PTPDC1: variants seen among roughly 807,000 people sequenced by gnomAD.
The protein encoded by PTPDC1 is protein tyrosine phosphatase domain-containing protein 1.
In PTPDC1, 53 loss-of-function variants were observed where a neutral mutation model predicts 75.3. The observed-to-expected ratio is 0.70, with a 90% CI of 0.56 to 0.88. The LOEUF (loss-of-function observed/expected upper bound fraction) is 0.88. PTPDC1 is among the 40% of genes least tolerant of loss of function. PTPDC1 has a pLI of 0.00. For missense variants in PTPDC1, 925 were observed against 998.6 expected (o/e 0.93, Z 0.99); for synonymous variants, 349 against 366.2 (o/e 0.95, Z 0.54).
intron 4 of PTPDC1, among the ~76,000 whole-genome samples, chr9:94,094,564 A>G (rs546509477): frequency 9.2e-4 from 140 of 152,254 alleles, no homozygotes; most frequent in Non-Finnish European, 1.7e-3. Flanking sequence ...GGTGGAGCCT[A>G]TAGAGGCAGG....
chr9:94,058,292 G>A lies in PTPDC1; in HGVS notation c.-6-6442G>A, dbSNP rs151155134. 8.2e-3 allele frequency among the ~76,000 whole-genome samples: 1,242 copies of A among 152,280 alleles called. 15 individuals carry two copies. Among genetic ancestry groups the A allele is most frequent in the African/African-American group, 0.028 (1,179 of 41,562 alleles). The stretch of plus-strand genomic sequence containing the variant: ...TCTGCACAAACTTCTCTTTGGAGTA[G>A]GAATCCAAAGATCTCAGAAGAAAAA... On this transcript the variant is annotated intron_variant, in intron 1 of 9. Transcript: ENST00000375360.
rs1265398339 is a variant in PTPDC1 at position 94,067,078 on chromosome 9, C to A, written c.82+2257C>A. Among the ~76,000 whole-genome samples the A allele has an allele frequency of 9.2e-5, 14 of 152,112 alleles. No individual in the cohort carries two copies. The South Asian group carries it at 1.0e-3, about 11-fold the overall frequency. On this transcript the variant is annotated intron_variant, in intron 2 of 9. Coordinates refer to the PTPDC1 transcript ENST00000375360. ...TTACTTTGAAGCAAACTCAAGGCAT[C>A]GCGTCATTTTGTTAAATAACCACAT... is the stretch of plus-strand genomic sequence containing the variant.
chr9:94,070,205 C>A (rs1045107911), intron 2 of PTPDC1, among the ~76,000 whole-genome samples: 1 of 152,172 alleles, frequency 6.6e-6, no homozygotes, highest in African/African-American at 2.4e-5. Flanking sequence ...AAACCTGGCT[C>A]TTATTATCCC....
chr9:94,031,777 C>CT (rs1452304032), intron 1 of PTPDC1, among the ~76,000 whole-genome samples: 1 of 151,992 alleles, frequency 6.6e-6, no homozygotes, highest in African/African-American at 2.4e-5. Flanking sequence ...AAAACGTCTC[C>CT]TGGGAGGAGA....
Position 94,084,575 on chromosome 9 carries a change from C to T in PTPDC1, c.45C>T (p.Phe15=). 6.2e-7 allele frequency: 1 copy of T among 1,613,700 alleles called. No homozygotes were observed. Among genetic ancestry groups the T allele is most frequent in the Non-Finnish European group, 8.5e-7 (1 of 1,180,028 alleles). Residue 15 remains phenylalanine, a synonymous_variant, in exon 1 of 9, where the codon TTC becomes TTT. Transcript: ENST00000620992. The part of the protein sequence containing the change: ...DATRRPSAVR[F]LSSFLQGRRH... ...CCAGGCGGCCCTCAGCCGTGCGCTT[C>T]CTCAGCTCCTTTCTCCAGGGCCGCC...
At chr9:94,049,796 T>G (rs921349650) in intron 1 of PTPDC1, among the ~76,000 whole-genome samples, 27 of 152,218 alleles carry the variant, frequency 1.8e-4, no homozygotes, top group Non-Finnish European at 3.1e-4. Context: ...CTGGATAATA[T>G]CCTGCAGAGT....
intron 4 of PTPDC1, among the ~76,000 whole-genome samples, chr9:94,094,560 G>T (rs1012376198): frequency 2.6e-5 from 4 of 152,150 alleles, no homozygotes; most frequent in African/African-American, 4.8e-5. Flanking sequence ...CAGAGGTGGA[G>T]CCTATAGAGG....
chr9:94,099,577 A>C (rs1010660024), intron 6 of PTPDC1, among the ~76,000 whole-genome samples: 4 of 152,230 alleles, frequency 2.6e-5, no homozygotes, highest in Admixed American at 2.0e-4. Context: ...TTTTGATAAA[A>C]ATTTTGTTCT....
At chr9:94,065,144 G>C (rs1826263208) in intron 2 of PTPDC1, among the ~76,000 whole-genome samples, 1 of 152,232 alleles carries the variant, frequency 6.6e-6, no homozygotes, top group Non-Finnish European at 1.5e-5. Context: ...TTCATTAGTT[G>C]TAAGTGCCAC....
At chr9:94,042,157 C>G (rs1273249201) in intron 1 of PTPDC1, among the ~76,000 whole-genome samples, 2 of 152,144 alleles carry the variant, frequency 1.3e-5, no homozygotes, top group Non-Finnish European at 1.5e-5. Flanking sequence ...CTTATTTTTT[C>G]AATTCCAGTA....
intron 2 of PTPDC1, among the ~76,000 whole-genome samples, chr9:94,068,448 CATG>C (rs1161955818): frequency 6.6e-6 from 1 of 152,008 alleles, no homozygotes; most frequent in South Asian, 2.1e-4. Context: ...GCTGTTTCCT[CATG>C]ATAAGACTGA....
At chr9:94,057,672 A>G (rs1268634606) in intron 1 of PTPDC1, among the ~76,000 whole-genome samples, 1 of 152,246 alleles carries the variant, frequency 6.6e-6, no homozygotes, top group African/African-American at 2.4e-5. Context: ...AATTGTTCAT[A>G]TAGCTGACAG....
At chr9:94,047,073 A>G (rs1179165956) in intron 1 of PTPDC1, among the ~76,000 whole-genome samples, 3 of 152,192 alleles carry the variant, frequency 2.0e-5, no homozygotes, top group Non-Finnish European at 4.4e-5. Flanking sequence ...GAATTTTGTC[A>G]AAGGCCTTTT....
At chr9:94,031,418 A>G (rs942747078) in intron 1 of PTPDC1, among the ~76,000 whole-genome samples, 2 of 151,978 alleles carry the variant, frequency 1.3e-5, no homozygotes, top group Non-Finnish European at 2.9e-5. Flanking sequence ...CGGGATTTTT[A>G]TGTGAAATCT....
intron 1 of PTPDC1, among the ~76,000 whole-genome samples, chr9:94,052,736 G>C (rs1403251049): frequency 6.6e-6 from 1 of 152,136 alleles, no homozygotes; most frequent in Non-Finnish European, 1.5e-5. Context: ...AGTTGTTCCA[G>C]CACAGTTTGT....
intron 1 of PTPDC1, 88 bp from the exon 2 acceptor site, chr9:94,085,163 A>G (rs1331675871): frequency 5.0e-6 from 6 of 1,197,986 alleles, no homozygotes; most frequent in Non-Finnish European, 7.1e-6. Flanking sequence ...GTCATCTACC[A>G]TCCTGAGATA....
At chr9:94,049,776 G>C (rs146559770) in intron 1 of PTPDC1, among the ~76,000 whole-genome samples, 181 of 152,222 alleles carry the variant, frequency 1.2e-3, no homozygotes, top group African/African-American at 4.2e-3. Context: ...GCTAGATTGG[G>C]GAAGTTCTCC....
rs1814954099 is a variant in PTPDC1, at chr9:94,098,206, A to G, written c.1640A>G (p.Asp547Gly). ...CAGCAGAGTGGAGCTTTCTCTGCAGATGTTTCAGGCTCACACAGCCCTGGG... is the reference window on the plus strand; with the variant it reads ...CAGCAGAGTGGAGCTTTCTCTGCAGGTGTTTCAGGCTCACACAGCCCTGGG... ...EAQQSGAFSA[D>G]VSGSHSPGEP... is the part of the protein sequence containing the mutation. The change falls in exon 6 of 9, where the codon GAT becomes GGT. Residue 547 changes from aspartate to glycine, a missense_variant. Physicochemically the swap from Asp to Gly is moderately conservative, Grantham distance 94. Coordinates refer to ENST00000620992, the MANE Select transcript of PTPDC1 (RefSeq NM_001253829.2). The G allele has an allele frequency of 1.2e-6, 2 of 1,614,074 alleles. No homozygotes were observed. The highest frequency in any genetic ancestry group is 1.1e-5 in the South Asian group (1 of 91,088).
Position 94,057,134 on chromosome 9 carries a change from G to A in PTPDC1, c.-6-7600G>A, listed in dbSNP as rs139674059. Among the ~76,000 whole-genome samples, 12 of 151,998 alleles carry A rather than the reference G, an allele frequency of 7.9e-5. No individual in the cohort carries two copies. The East Asian group carries it at 1.9e-3, about 25-fold the overall frequency. ...GTTTTTGAGGCTAGAGTGCAGTGAC[G>A]CGATTACAGCTCACCGAGGTTGCAG... On this transcript the variant is annotated intron_variant, in intron 1 of 9. Transcript: ENST00000375360.
Sources: allele counts gnomAD v4.1 joint callset (sites outside exome capture counted in the v4.1 genomes callset), GRCh38; gene constraint gnomAD v4.1.1; transcripts MANE v1.5; gene names NCBI Gene and HGNC (gene_info 2026-07-23, HGNC 2026-07-21).